SPHKAP: variants seen among roughly 807,000 people sequenced by gnomAD.
SPHKAP encodes SPHK1 interactor, AKAP domain containing, also known as A-kinase anchor protein SPHKAP.
A neutral mutation model predicts 137.5 loss-of-function variants in SPHKAP; 67 were observed. That is an observed-to-expected ratio of 0.49 (90% confidence interval 0.40 to 0.60). The LOEUF (loss-of-function observed/expected upper bound fraction) is 0.60, where lower values mean the gene tolerates loss of function less well. Ranked by LOEUF, SPHKAP falls within the 20% of genes least tolerant of loss-of-function variation. The pLI is 0.00. For synonymous variants in SPHKAP, 813 were observed against 785.3 expected, an observed-to-expected ratio of 1.04 and a Z score of -0.59; for missense variants, 2,097 against 2,069.3, an observed-to-expected ratio of 1.01 and a Z score of -0.26.
intron 1 of SPHKAP, among the ~76,000 whole-genome samples, chr2:228,154,794 C>T (rs1347855328): frequency 1.4e-5 from 2 of 147,806 alleles, no homozygotes; most frequent in South Asian, 2.2e-4. Context: ...CTCCTGACCT[C>T]GTGATCTGCC....
intron 7 of SPHKAP, among the ~76,000 whole-genome samples, chr2:228,001,287 ATCT>A (rs1693854796): frequency 6.9e-6 from 1 of 144,870 alleles, no homozygotes; most frequent in African/African-American, 2.5e-5. Context: ...CTATACATAT[ATCT>A]ATACATATAA....
At chr2:228,106,210 A>T (rs1240525038) in intron 3 of SPHKAP, among the ~76,000 whole-genome samples, 1 of 152,226 alleles carries the variant, frequency 6.6e-6, no homozygotes, top group Non-Finnish European at 1.5e-5. Context: ...TTATGTGGAC[A>T]TCTTGAATTC....
chr2:228,127,596 C>T (rs1485442560), intron 2 of SPHKAP, among the ~76,000 whole-genome samples: 3 of 152,152 alleles, frequency 2.0e-5, no homozygotes, highest in African/African-American at 2.4e-5. Context: ...TTTGCAGCAG[C>T]CCTTTCCAAG....
chr2:227,990,951 G>A, intron 11 of SPHKAP, 49 bp downstream of exon 11: 2 of 1,576,422 alleles, frequency 1.3e-6, no homozygotes, highest in South Asian at 2.2e-5. Flanking sequence ...GTTTCCAGTG[G>A]TGATGAAAAC....
chr2:228,049,841 T>C (rs1237027480), intron 3 of SPHKAP, among the ~76,000 whole-genome samples: 1 of 152,360 alleles, frequency 6.6e-6, no homozygotes, highest in South Asian at 2.1e-4. Context: ...TGTTTTTTTA[T>C]GGCTGCATAG....
chr2:228,032,643 C>G (rs1322427923), intron 3 of SPHKAP, among the ~76,000 whole-genome samples: 1 of 152,158 alleles, frequency 6.6e-6, no homozygotes. Context: ...TCGGGTTACC[C>G]ACAAAGGGAA....
At chr2:228,172,005 A>AGGCT (rs777022605) in intron 1 of SPHKAP, among the ~76,000 whole-genome samples, 28 of 151,762 alleles carry the variant, frequency 1.8e-4, no homozygotes, top group Non-Finnish European at 3.5e-4. Flanking sequence ...ATCTCTTAAG[A>AGGCT]GGCTTATAAA....
At position 228,151,680 on chromosome 2, in the gene SPHKAP, T is replaced by A. The variant is rs564299634; in HGVS notation, c.33-19595A>T. On this transcript the variant is annotated intron_variant, in intron 1 of 11. Transcript: ENST00000392056. Reference sequence around the variant, plus strand: ...GTTTTGATTTGATAGTTTAAAAAAATTTTTTTGTAGTGATGGGATCTCATT... The same window carrying A: ...GTTTTGATTTGATAGTTTAAAAAAAATTTTTTGTAGTGATGGGATCTCATT... Among the ~76,000 whole-genome samples, 67 of 152,270 alleles carry A rather than the reference T, an allele frequency of 4.4e-4. No individual in the cohort carries two copies. In the South Asian group the frequency reaches 5.8e-3, roughly 13 times the overall value.
Position 227,991,336 on chromosome 2 carries a change from A to C in SPHKAP, c.4722-10T>G. On this transcript the variant is annotated splice_polypyrimidine_tract_variant and intron_variant, in intron 9 of 11. Transcript: ENST00000392056. ...TTCTTCTACTAATTCACTTTGGGAG[A>C]AAACAACAGTATATGGTTGGTAATG... is the stretch of plus-strand genomic sequence containing the variant. 1.2e-6 allele frequency: 2 copies of C among 1,614,198 alleles called. No individual in the cohort carries two copies. The highest frequency in any genetic ancestry group is 2.7e-5 in the African/African-American group (2 of 75,066).
chr2:228,038,945 C>G (rs548022638), intron 3 of SPHKAP, among the ~76,000 whole-genome samples: 1 of 152,210 alleles, frequency 6.6e-6, no homozygotes, highest in East Asian at 1.9e-4. Context: ...GCTAATAAAC[C>G]AGCTATTGGC....
chr2:228,019,249 T>C lies in SPHKAP; in HGVS notation c.1605A>G (p.Ala535=). Residue 535 remains alanine (A), a synonymous_variant, in exon 7 of 12, where the codon GCA becomes GCG. Coordinates refer to ENST00000392056, the MANE Select transcript of SPHKAP (RefSeq NM_001142644.2). ...GTCCTTGGGGTGCTTGAGTTTGCAGTGCACCACTGCTCCCTGGGGGAAAGT... is the reference window on the plus strand; with the variant it reads ...GTCCTTGGGGTGCTTGAGTTTGCAGCGCACCACTGCTCCCTGGGGGAAAGT... The part of the protein sequence containing the change: ...VSNFPPGSSG[A]LQTQAPQGLK... 1 of 1,613,974 alleles carries C rather than the reference T, an allele frequency of 6.2e-7. No homozygotes were observed.
chr2:227,990,941 G>C, intron 11 of SPHKAP, 59 bp downstream of exon 11: 3 of 1,554,666 alleles, frequency 1.9e-6, no homozygotes, highest in Non-Finnish European at 2.6e-6. Flanking sequence ...CATTTACTGA[G>C]TTTCCAGTGG....
At chr2:227,986,259 T>C (rs539679474) in intron 11 of SPHKAP, among the ~76,000 whole-genome samples, 1 of 152,314 alleles carries the variant, frequency 6.6e-6, no homozygotes, top group African/African-American at 2.4e-5. Flanking sequence ...TTTGCAAAGG[T>C]AAGTCAAAAG....
At chr2:228,130,375 C>T (rs1699211151) in intron 2 of SPHKAP, among the ~76,000 whole-genome samples, 2 of 152,130 alleles carry the variant, frequency 1.3e-5, no homozygotes, top group African/African-American at 4.8e-5. Flanking sequence ...GTGCCAAGCA[C>T]TGCTGTAAAC....
intron 2 of SPHKAP, 177 bp downstream of exon 2, chr2:228,131,803 C>T: frequency 1.0e-6 from 1 of 983,778 alleles, no homozygotes; most frequent in Non-Finnish European, 1.2e-6. Context: ...ATTTTCTCAT[C>T]ATTTCCATGA....
chr2:228,059,322 G>A (rs12622654), intron 3 of SPHKAP, among the ~76,000 whole-genome samples: 10,519 of 152,234 alleles, frequency 0.069, 648 homozygotes, highest in East Asian at 0.34. Flanking sequence ...TTACCAAACC[G>A]TTCACCAGAG....
intron 3 of SPHKAP, among the ~76,000 whole-genome samples, chr2:228,067,250 A>G (rs1281289056): frequency 1.3e-5 from 2 of 152,206 alleles, no homozygotes; most frequent in African/African-American, 4.8e-5. Context: ...TTTGAATTCT[A>G]TTGACTCTCT....
At chr2:228,089,869 T>C (rs899573642) in intron 3 of SPHKAP, among the ~76,000 whole-genome samples, 6 of 152,176 alleles carry the variant, frequency 3.9e-5, no homozygotes, top group African/African-American at 1.4e-4. Context: ...GTTGCCATCT[T>C]CCACCTAGAT....
chr2:227,981,665 T>C lies in SPHKAP; in HGVS notation c.*52A>G, dbSNP rs530395442. The C allele has an allele frequency of 6.4e-7, 1 of 1,571,650 alleles. No homozygotes were observed. The highest frequency in any genetic ancestry group is 8.6e-7 in the Non-Finnish European group (1 of 1,162,542). On this transcript the variant is annotated 3_prime_UTR_variant, in exon 12 of 12. Coordinates refer to ENST00000392056, the MANE Select transcript of SPHKAP (RefSeq NM_001142644.2). ...TTAGAGCATTTAGAACAAACCACTG[T>C]AATCTAAGTTGGAATAAAGGGAAGG...
Sources: allele counts gnomAD v4.1 joint callset (sites outside exome capture counted in the v4.1 genomes callset), GRCh38; gene constraint gnomAD v4.1.1; transcripts MANE v1.5; gene names NCBI Gene and HGNC (gene_info 2026-07-23, HGNC 2026-07-21).